Variants in TNFSF4 observed in about 807,000 individuals in gnomAD.
The protein encoded by TNFSF4 is TNF superfamily member 4.
Under a neutral mutation model 7.3 loss-of-function variants are expected in TNFSF4, and 4 were observed. That is an observed-to-expected ratio of 0.55 (90% CI 0.27 to 1.25). The LOEUF (loss-of-function observed/expected upper bound fraction) is 1.25, where lower values mean the gene tolerates loss of function less well. Among genes scored for constraint, TNFSF4 ranks in the 50% most tolerant of loss-of-function variants. TNFSF4 has a pLI of 0.12. For missense variants in TNFSF4, 181 were observed against 208.8 expected, an observed-to-expected ratio of 0.87 and a Z score of 0.82; for synonymous variants, 76 against 83.7, an observed-to-expected ratio of 0.91 and a Z score of 0.50.
At chr1:173,244,965 C>T in the TNFSF4 span, among the ~76,000 whole-genome samples, 5 of 151,754 alleles carry the variant, frequency 3.3e-5, no homozygotes, top group Non-Finnish European at 5.9e-5. Context: ...AAACCTGATG[C>T]GATCTTAATT....
At chr1:173,284,951 T>C in the TNFSF4 span, among the ~76,000 whole-genome samples, 2 of 152,196 alleles carry the variant, frequency 1.3e-5, no homozygotes, top group Non-Finnish European at 2.9e-5. Context: ...AGGAGTAATT[T>C]TGACTTTCAA....
the TNFSF4 span, among the ~76,000 whole-genome samples, chr1:173,239,034 A>T: frequency 6.6e-6 from 1 of 152,222 alleles, no homozygotes. Context: ...TGAGCCTGTT[A>T]TCTCCAAGAT....
the TNFSF4 span, among the ~76,000 whole-genome samples, chr1:173,392,383 A>G: frequency 2.6e-5 from 4 of 152,236 alleles, no homozygotes; most frequent in Non-Finnish European, 5.9e-5. Context: ...AAAAAGGGAA[A>G]AAATGATTGT....
At chr1:173,332,690 C>T in the TNFSF4 span, among the ~76,000 whole-genome samples, 2 of 151,976 alleles carry the variant, frequency 1.3e-5, no homozygotes, top group South Asian at 2.1e-4. Context: ...CCCATCTCTA[C>T]TAAAAATACA....
chr1:173,270,242 C>T, the TNFSF4 span, among the ~76,000 whole-genome samples: 2 of 152,050 alleles, frequency 1.3e-5, no homozygotes, highest in African/African-American at 4.8e-5. Context: ...TGTTATACTT[C>T]AAAGTAAAGA....
the TNFSF4 span, among the ~76,000 whole-genome samples, chr1:173,348,501 A>C: frequency 4.1e-5 from 6 of 146,704 alleles, no homozygotes; most frequent in African/African-American, 1.5e-4. Flanking sequence ...CCATCTCAAA[A>C]AGCTTGAAAA....
chr1:173,202,070 TACACAC>T (rs1553213097), intron 1 of TNFSF4, among the ~76,000 whole-genome samples: 4 of 149,536 alleles, frequency 2.7e-5, no homozygotes, highest in East Asian at 2.0e-4. Flanking sequence ...TATATATATA[TACACAC>T]ACACATACAC....
At chr1:173,322,583 C>A in the TNFSF4 span, among the ~76,000 whole-genome samples, 1 of 152,030 alleles carries the variant, frequency 6.6e-6, no homozygotes, top group Non-Finnish European at 1.5e-5. Context: ...TGAAGCAGGG[C>A]GAGGCATTGC....
chr1:173,332,179 A>G, the TNFSF4 span, among the ~76,000 whole-genome samples: 1 of 152,140 alleles, frequency 6.6e-6, no homozygotes, highest in Non-Finnish European at 1.5e-5. Context: ...TGTAATCCTG[A>G]GCAGACGTTC....
chr1:173,446,047 A>G, the TNFSF4 span, among the ~76,000 whole-genome samples: 1 of 152,216 alleles, frequency 6.6e-6, no homozygotes, highest in Non-Finnish European at 1.5e-5. Context: ...TGTCCAGGAT[A>G]CAATCTAAAA....
the TNFSF4 span, among the ~76,000 whole-genome samples, chr1:173,295,553 T>C: frequency 6.6e-5 from 10 of 152,010 alleles, 1 homozygote; most frequent in South Asian, 1.0e-3. Context: ...AACTTTAATT[T>C]TCAGTCAAAA....
At chr1:173,371,984 G>C in the TNFSF4 span, among the ~76,000 whole-genome samples, 1 of 152,158 alleles carries the variant, frequency 6.6e-6, no homozygotes, top group Non-Finnish European at 1.5e-5. Context: ...CAGGCACTCT[G>C]GTCCTTCAGT....
chr1:173,376,706 G>C, the TNFSF4 span, among the ~76,000 whole-genome samples: 3 of 152,210 alleles, frequency 2.0e-5, no homozygotes, highest in Non-Finnish European at 4.4e-5. Flanking sequence ...CATGGGTGGG[G>C]TGAAATAAGG....
At chr1:173,367,207 A>T in the TNFSF4 span, among the ~76,000 whole-genome samples, 1 of 152,242 alleles carries the variant, frequency 6.6e-6, no homozygotes, top group South Asian at 2.1e-4. Flanking sequence ...TCACGACTGC[A>T]AGGACTTTCC....
chr1:173,377,065 C>T, the TNFSF4 span, among the ~76,000 whole-genome samples: 1 of 152,170 alleles, frequency 6.6e-6, no homozygotes, highest in Admixed American at 6.5e-5. Flanking sequence ...GAACAAACTC[C>T]AGACACACCA....
At chr1:173,338,599 A>G in the TNFSF4 span, among the ~76,000 whole-genome samples, 1 of 152,192 alleles carries the variant, frequency 6.6e-6, no homozygotes, top group African/African-American at 2.4e-5. Flanking sequence ...TCAGTGTCCA[A>G]TGTACAGTGC....
chr1:173,225,729 G>A, the TNFSF4 span, among the ~76,000 whole-genome samples: 1 of 152,140 alleles, frequency 6.6e-6, no homozygotes, highest in Non-Finnish European at 1.5e-5. Context: ...GAACTTAGGT[G>A]CAACCAGAGT....
the TNFSF4 span, among the ~76,000 whole-genome samples, chr1:173,373,952 G>T: frequency 4.6e-5 from 7 of 152,170 alleles, no homozygotes; most frequent in Non-Finnish European, 1.5e-5. Context: ...TTTCCAGGGT[G>T]CTAGGGATAC....
At chr1:173,383,709 T>C in the TNFSF4 span, among the ~76,000 whole-genome samples, 1 of 152,104 alleles carries the variant, frequency 6.6e-6, no homozygotes, top group Non-Finnish European at 1.5e-5. Context: ...ATCAACAGTG[T>C]TAAAACAGAT....
Sources: allele counts gnomAD v4.1 joint callset (sites outside exome capture counted in the v4.1 genomes callset), GRCh38; gene constraint gnomAD v4.1.1; transcripts MANE v1.5; gene names NCBI Gene and HGNC (gene_info 2026-07-23, HGNC 2026-07-21).